The following PPARGC1A variants were observed in gnomAD, a reference collection of about 807,000 sequenced individuals.
PPARGC1A encodes PPARG coactivator 1 alpha, also known as peroxisome proliferator-activated receptor gamma coactivator 1-alpha.
A neutral mutation model predicts 88.7 loss-of-function variants in PPARGC1A; 25 were observed. That is an observed-to-expected ratio of 0.28 (90% CI 0.21 to 0.39). PPARGC1A has a LOEUF of 0.39. Ranked by LOEUF, PPARGC1A falls within the 10% of genes least tolerant of loss-of-function variation. The pLI, the probability that PPARGC1A is intolerant of heterozygous loss-of-function variation, is 1.00. For missense variants in PPARGC1A, 880 were observed against 968.7 expected, an observed-to-expected ratio of 0.91 and a Z score of 1.22; for synonymous variants, 363 against 355.6, an observed-to-expected ratio of 1.02 and a Z score of -0.24.
the PPARGC1A span, among the ~76,000 whole-genome samples, chr4:24,198,465 C>T: frequency 5.3e-5 from 8 of 152,214 alleles, no homozygotes; most frequent in East Asian, 5.8e-4. Context: ...CTAGCTGTTT[C>T]TCAAGCACAT....
chr4:24,023,228 A>C, the PPARGC1A span, among the ~76,000 whole-genome samples: 2 of 152,324 alleles, frequency 1.3e-5, no homozygotes, highest in African/African-American at 2.4e-5. Flanking sequence ...CATCACTGTT[A>C]TGATGAATAT....
chr4:23,977,047 AG>A, the PPARGC1A span, among the ~76,000 whole-genome samples: 1 of 152,012 alleles, frequency 6.6e-6, no homozygotes. Flanking sequence ...GAAGGAGAAG[AG>A]GAAGAGGAAG....
At chr4:24,076,016 G>C in the PPARGC1A span, among the ~76,000 whole-genome samples, 2 of 152,076 alleles carry the variant, frequency 1.3e-5, no homozygotes, top group Non-Finnish European at 2.9e-5. Context: ...TTACATCATA[G>C]TTCCCATTAG....
chr4:24,017,253 GA>G, the PPARGC1A span, among the ~76,000 whole-genome samples: 1 of 152,030 alleles, frequency 6.6e-6, no homozygotes, highest in Non-Finnish European at 1.5e-5. Context: ...TTGGATCAAA[GA>G]AAAAAACCAG....
the PPARGC1A span, among the ~76,000 whole-genome samples, chr4:24,339,727 T>C: frequency 7.8e-4 from 119 of 152,272 alleles, no homozygotes; most frequent in African/African-American, 2.6e-3. Context: ...AGCCCTGTTT[T>C]AGGTTTGTTT....
At chr4:24,303,040 A>G in the PPARGC1A span, among the ~76,000 whole-genome samples, 5 of 152,156 alleles carry the variant, frequency 3.3e-5, no homozygotes, top group African/African-American at 4.8e-5. Context: ...TGACATAAAA[A>G]CCCAGACCCC....
the PPARGC1A span, among the ~76,000 whole-genome samples, chr4:23,956,126 T>C: frequency 1.2e-4 from 18 of 152,118 alleles, no homozygotes; most frequent in African/African-American, 4.3e-4. Flanking sequence ...TACTTAAAAA[T>C]ATAAAAACCA....
chr4:23,962,968 A>T, the PPARGC1A span, among the ~76,000 whole-genome samples: 2 of 152,276 alleles, frequency 1.3e-5, no homozygotes, highest in East Asian at 3.9e-4. Context: ...TAGCATGCTC[A>T]TGAGCGGGGG....
the PPARGC1A span, among the ~76,000 whole-genome samples, chr4:24,078,104 ATTT>A: frequency 6.7e-6 from 1 of 150,050 alleles, no homozygotes; most frequent in Non-Finnish European, 1.5e-5. Flanking sequence ...GTTTCCTCAA[ATTT>A]TTTTTTTTGT....
chr4:24,222,721 T>C, the PPARGC1A span, among the ~76,000 whole-genome samples: 2 of 152,196 alleles, frequency 1.3e-5, no homozygotes, highest in African/African-American at 4.8e-5. Flanking sequence ...TTTTCAATAA[T>C]TCTATTAATT....
chr4:23,870,193 A>G (rs1712995837), intron 2 of PPARGC1A, among the ~76,000 whole-genome samples: 1 of 152,222 alleles, frequency 6.6e-6, no homozygotes, highest in Admixed American at 6.5e-5. Flanking sequence ...TTTAATCCAC[A>G]TAGGCACTGG....
chr4:24,338,263 A>G, the PPARGC1A span, among the ~76,000 whole-genome samples: 2 of 152,200 alleles, frequency 1.3e-5, no homozygotes, highest in African/African-American at 4.8e-5. Flanking sequence ...CTATTAGAAT[A>G]CAAAAGCAAA....
chr4:24,022,076 G>A, the PPARGC1A span, among the ~76,000 whole-genome samples: 9 of 152,302 alleles, frequency 5.9e-5, no homozygotes, highest in African/African-American at 2.2e-4. Flanking sequence ...ACCTGGCTGA[G>A]GGGCCAGGTC....
the PPARGC1A span, among the ~76,000 whole-genome samples, chr4:24,112,248 C>T: frequency 6.6e-6 from 1 of 152,188 alleles, no homozygotes; most frequent in African/African-American, 2.4e-5. Flanking sequence ...TTGTGGCAAA[C>T]TGAAGAGGGC....
chr4:24,203,212 A>G, the PPARGC1A span, among the ~76,000 whole-genome samples: 8 of 152,212 alleles, frequency 5.3e-5, no homozygotes, highest in Non-Finnish European at 7.3e-5. Flanking sequence ...CCAGGCAAGT[A>G]AGAGCACAGA....
chr4:24,077,900 GT>G, the PPARGC1A span, among the ~76,000 whole-genome samples: 1 of 151,552 alleles, frequency 6.6e-6, no homozygotes, highest in African/African-American at 2.4e-5. Context: ...TTCTCAGAGA[GT>G]TTTTTTCTCT....
At chr4:24,265,365 A>T in the PPARGC1A span, among the ~76,000 whole-genome samples, 1 of 152,174 alleles carries the variant, frequency 6.6e-6, no homozygotes, top group Non-Finnish European at 1.5e-5. Flanking sequence ...AATGTCGGCA[A>T]CATCTGAACA....
the PPARGC1A span, among the ~76,000 whole-genome samples, chr4:24,348,862 G>A: frequency 0.02 from 3,097 of 152,202 alleles, 108 homozygotes; most frequent in African/African-American, 0.071. Flanking sequence ...TTTTTGGGGG[G>A]TGCTGAAGAG....
chr4:24,192,366 A>G, the PPARGC1A span, among the ~76,000 whole-genome samples: 5 of 152,208 alleles, frequency 3.3e-5, no homozygotes, highest in Non-Finnish European at 7.3e-5. Flanking sequence ...GAAAATAGTA[A>G]ACAGCTGGAA....
Sources: allele counts gnomAD v4.1 joint callset (sites outside exome capture counted in the v4.1 genomes callset), GRCh38; gene constraint gnomAD v4.1.1; transcripts MANE v1.5; gene names NCBI Gene and HGNC (gene_info 2026-07-23, HGNC 2026-07-21).